Variants in ADAMTS12 observed in about 807,000 individuals in gnomAD.
ADAMTS12 encodes the protein ADAM metallopeptidase with thrombospondin type 1 motif 12.
In ADAMTS12, 118 loss-of-function variants were observed where a neutral mutation model predicts 167.8. That is an observed-to-expected ratio of 0.70 (90% CI 0.61 to 0.82). ADAMTS12 has a LOEUF of 0.82. Among genes scored for constraint, ADAMTS12 ranks in the 40% least tolerant of loss-of-function variants. The pLI, the probability that ADAMTS12 is intolerant of heterozygous loss-of-function variation, is 0.00. For missense variants in ADAMTS12, 1,916 were observed against 1,998.8 expected, an observed-to-expected ratio of 0.96 and a Z score of 0.79; for synonymous variants, 704 against 716.9, an observed-to-expected ratio of 0.98 and a Z score of 0.29.
intron 11 of ADAMTS12, among the ~76,000 whole-genome samples, 179 bp downstream of exon 11, chr5:33,641,631 A>G (rs1740447485): frequency 6.6e-6 from 1 of 152,208 alleles, no homozygotes; most frequent in African/African-American, 2.4e-5. Flanking sequence ...AAACAACACA[A>G]AACAGAACCA....
intron 16 of ADAMTS12, among the ~76,000 whole-genome samples, chr5:33,601,643 C>G (rs1301436919): frequency 1.3e-5 from 2 of 152,092 alleles, no homozygotes; most frequent in Non-Finnish European, 2.9e-5. Flanking sequence ...TTTTTATTTC[C>G]TAGCTCAAAA....
chr5:33,848,982 T>TATATATATATGTATTGCATAGCA (rs1561306117), intron 2 of ADAMTS12, among the ~76,000 whole-genome samples: 5 of 150,210 alleles, frequency 3.3e-5, no homozygotes, highest in Non-Finnish European at 5.9e-5. Flanking sequence ...TGCATAGCAA[T>TATATATATATGTATTGCATAGCA]ATATATATAT....
chr5:33,627,090 G>C (rs1364085157), intron 13 of ADAMTS12, among the ~76,000 whole-genome samples: 1 of 150,570 alleles, frequency 6.6e-6, no homozygotes, highest in Non-Finnish European at 1.5e-5. Context: ...GGTGGTAGTG[G>C]TGGTGGTGGT....
intron 18 of ADAMTS12, among the ~76,000 whole-genome samples, chr5:33,582,772 C>A (rs1181834614): frequency 6.6e-6 from 1 of 152,188 alleles, no homozygotes; most frequent in African/African-American, 2.4e-5. Context: ...TATTCAAATG[C>A]ATTTCTTGTC....
chr5:33,706,001 C>T (rs956205287), intron 3 of ADAMTS12, among the ~76,000 whole-genome samples: 5 of 152,024 alleles, frequency 3.3e-5, no homozygotes, highest in Non-Finnish European at 5.9e-5. Flanking sequence ...CTTCCATGTT[C>T]ATGAATTGAA....
intron 2 of ADAMTS12, among the ~76,000 whole-genome samples, chr5:33,815,760 G>A (rs982299756): frequency 2.6e-5 from 4 of 152,128 alleles, no homozygotes; most frequent in African/African-American, 7.2e-5. Flanking sequence ...TACCCAGATC[G>A]CAAAGGTATC....
At chr5:33,674,269 G>A (rs142114382) in intron 5 of ADAMTS12, among the ~76,000 whole-genome samples, 14 of 152,284 alleles carry the variant, frequency 9.2e-5, no homozygotes, top group African/African-American at 3.4e-4. Context: ...TGTGGATTAG[G>A]GAAGGGGCAG....
In ADAMTS12 at chr5:33,561,145, C is replaced by T. The variant is rs556331856; in HGVS notation, c.4007G>A (p.Arg1336Lys). Reference protein sequence around the residue: ...STTCGLGAYWRRVECSTQMDS... With the variant: ...STTCGLGAYWKRVECSTQMDS... ...CATCTGGGTGCTGCACTCCACCCTT[C>T]TCCAGTAGGCCCCCAGGCCACATGT... The change falls in exon 20 of 24, where the codon AGA becomes AAA. Residue 1336 changes from arginine (R) to lysine (K), a missense_variant. Transcript: ENST00000504830. 4.5e-5 allele frequency: 73 copies of T among 1,614,146 alleles called. 2 individuals carry two copies. In the South Asian group the frequency reaches 7.4e-4, roughly 16 times the overall value.
At chr5:33,756,650 A>G (rs1198658279) in intron 2 of ADAMTS12, among the ~76,000 whole-genome samples, 1 of 152,140 alleles carries the variant, frequency 6.6e-6, no homozygotes, top group Non-Finnish European at 1.5e-5. Flanking sequence ...CATGAAGCCA[A>G]TGAAGAGAGT....
chr5:33,597,549 C>T (rs1737957422), intron 16 of ADAMTS12, among the ~76,000 whole-genome samples: 1 of 152,198 alleles, frequency 6.6e-6, no homozygotes, highest in African/African-American at 2.4e-5. Context: ...TGCTGTCCTA[C>T]CACCCACCAC....
chr5:33,720,814 CT>C (rs1743781561), intron 3 of ADAMTS12, among the ~76,000 whole-genome samples: 1 of 152,108 alleles, frequency 6.6e-6, no homozygotes, highest in South Asian at 2.1e-4. Context: ...CATATGCATA[CT>C]ATATGACCCT....
chr5:33,552,368 C>T lies in ADAMTS12; in HGVS notation c.4126-2985G>A, dbSNP rs566843428. Among the ~76,000 whole-genome samples the T allele has an allele frequency of 1.6e-4, 24 of 152,292 alleles. No individual in the cohort carries two copies. In the South Asian group the frequency reaches 4.8e-3, roughly 30 times the overall value. The stretch of plus-strand genomic sequence containing the variant: ...GATTAATCACTGCACTTCTCTAAGG[C>T]TCCATTTCTCCATTGGTATTCAAAA... On this transcript the variant is annotated intron_variant, in intron 20 of 23. Coordinates refer to ENST00000504830, the MANE Select transcript of ADAMTS12 (RefSeq NM_030955.4).
chr5:33,659,744 G>T (rs1008967108), intron 6 of ADAMTS12, among the ~76,000 whole-genome samples: 1 of 152,204 alleles, frequency 6.6e-6, no homozygotes, highest in Non-Finnish European at 1.5e-5. Flanking sequence ...AACCCACATT[G>T]GGTGTGTTTC....
intron 5 of ADAMTS12, among the ~76,000 whole-genome samples, chr5:33,662,708 G>A (rs1404279262): frequency 6.6e-6 from 1 of 152,238 alleles, no homozygotes; most frequent in Non-Finnish European, 1.5e-5. Context: ...CTGGGGCTAC[G>A]AGGGAAGGGA....
intron 5 of ADAMTS12, among the ~76,000 whole-genome samples, chr5:33,673,706 C>A (rs1468502243): frequency 6.6e-6 from 1 of 152,096 alleles, no homozygotes; most frequent in Non-Finnish European, 1.5e-5. Flanking sequence ...CCTTCGAAGT[C>A]TAGCCTCCAG....
Position 33,643,410 on chromosome 5 carries a change from C to T in ADAMTS12, c.1540G>A (p.Ala514Thr). 3 of 1,614,152 alleles carry T rather than the reference C, an allele frequency of 1.9e-6. No individual in the cohort carries two copies. The highest frequency in any genetic ancestry group is 1.3e-5 in the African/African-American group (1 of 75,052). Residue 514 changes from alanine (A) to threonine (T), a missense_variant, in exon 10 of 24, where the codon GCT (alanine) becomes ACT (threonine). Physicochemically the swap from Ala to Thr is moderately conservative, Grantham distance 58. Coordinates refer to ENST00000504830, the MANE Select transcript of ADAMTS12 (RefSeq NM_030955.4). ...KGFCRSKLDA[A>T]ADGTQCGEKK... is the part of the protein sequence containing the mutation. ...TCACCACATTGAGTTCCATCTGCAG[C>T]AGCGTCCAGCTTAGAGCGACAAAAG...
chr5:33,695,861 T>A (rs1407894628), intron 3 of ADAMTS12, among the ~76,000 whole-genome samples: 3 of 152,178 alleles, frequency 2.0e-5, no homozygotes, highest in Admixed American at 1.3e-4. Context: ...AAAGGTAAAT[T>A]TTTTGTTATG....
chr5:33,662,642 A>G (rs1741298349), intron 5 of ADAMTS12, among the ~76,000 whole-genome samples: 1 of 152,204 alleles, frequency 6.6e-6, no homozygotes, highest in Middle Eastern at 3.2e-3. Context: ...CTGCAGCTTC[A>G]AGGGCTTCTG....
chr5:33,755,191 A>G (rs1157133762), intron 2 of ADAMTS12, among the ~76,000 whole-genome samples: 6 of 152,238 alleles, frequency 3.9e-5, no homozygotes, highest in Non-Finnish European at 7.3e-5. Context: ...GCACAAACAC[A>G]AAAAGGCTAC....
Sources: gnomAD v4.1 joint callset for allele counts (sites outside exome capture counted in the v4.1 genomes callset) on GRCh38, gnomAD v4.1.1 for gene constraint, MANE v1.5 for transcripts, NCBI Gene and HGNC (gene_info 2026-07-23, HGNC 2026-07-21) for gene names.